Variants in TMTC2 observed in about 807,000 individuals in gnomAD.
The protein encoded by TMTC2 is transmembrane O-mannosyltransferase targeting cadherins 2, also known as protein O-mannosyl-transferase TMTC2.
In TMTC2, 43 loss-of-function variants were observed where a neutral mutation model predicts 82.4. The observed-to-expected ratio is 0.52, with a 90% CI of 0.41 to 0.67. The LOEUF is 0.67. Ranked by LOEUF, TMTC2 falls within the 30% of genes least tolerant of loss-of-function variation. The probability of loss-of-function intolerance (pLI) is 0.00; values close to 1 mark genes in which losing one functional copy is unlikely to be tolerated. For missense variants in TMTC2, 919 were observed against 1,012.4 expected (o/e 0.91, Z 1.25); for synonymous variants, 408 against 381.9 (o/e 1.07, Z -0.80).
intron 1 of TMTC2, among the ~76,000 whole-genome samples, chr12:82,807,430 T>C (rs1281729371): frequency 6.6e-6 from 1 of 152,126 alleles, no homozygotes; most frequent in Non-Finnish European, 1.5e-5. Flanking sequence ...ATATTTCATT[T>C]TCATATCCTG....
intron 9 of TMTC2, among the ~76,000 whole-genome samples, chr12:83,034,154 T>G (rs1881567152): frequency 6.6e-6 from 1 of 152,096 alleles, no homozygotes; most frequent in Admixed American, 6.6e-5. Context: ...CAGAAAGTAA[T>G]ACTGTATAGG....
chr12:82,980,034 G>A (rs1329069345), intron 7 of TMTC2, among the ~76,000 whole-genome samples: 3 of 151,652 alleles, frequency 2.0e-5, no homozygotes, highest in Admixed American at 6.6e-5. Flanking sequence ...ATTTGATTAT[G>A]ACATGTCTTG....
intron 4 of TMTC2, among the ~76,000 whole-genome samples, chr12:82,937,781 TATATATATATATATACAC>T (rs1441183250): frequency 1.9e-3 from 42 of 21,958 alleles, no homozygotes; most frequent in African/African-American, 5.4e-3. Flanking sequence ...TATATATATA[TATATATATATATATACAC>T]ACATATATAT....
At chr12:82,795,733 G>C (rs1162316828) in intron 1 of TMTC2, among the ~76,000 whole-genome samples, 1 of 152,134 alleles carries the variant, frequency 6.6e-6, no homozygotes, top group Admixed American at 6.5e-5. Flanking sequence ...CCTTTCTGGG[G>C]ATGCAGCAAC....
chr12:83,117,211 C>T (rs905375890), intron 11 of TMTC2, among the ~76,000 whole-genome samples: 3 of 151,778 alleles, frequency 2.0e-5, no homozygotes, highest in Non-Finnish European at 4.4e-5. Context: ...TTTTTGTTTG[C>T]TTTGTCTGTT....
chr12:82,715,284 AAAC>A (rs1461482032), intron 1 of TMTC2, among the ~76,000 whole-genome samples: 1 of 151,960 alleles, frequency 6.6e-6, no homozygotes, highest in African/African-American at 2.4e-5. Context: ...CAAAAAAAAA[AAAC>A]AAAAAAGAAA....
intron 11 of TMTC2, among the ~76,000 whole-genome samples, chr12:83,123,632 G>A (rs952236850): frequency 6.6e-6 from 1 of 152,082 alleles, no homozygotes; most frequent in Non-Finnish European, 1.5e-5. Context: ...GGTGCCAGAA[G>A]GGTTAACATC....
chr12:82,903,238 C>T (rs908725384), intron 3 of TMTC2, among the ~76,000 whole-genome samples: 1 of 152,192 alleles, frequency 6.6e-6, no homozygotes, highest in African/African-American at 2.4e-5. Context: ...ACCCCTCCAC[C>T]TCTGTCTTAC....
intron 1 of TMTC2, among the ~76,000 whole-genome samples, chr12:82,842,759 A>G (rs1465707684): frequency 1.3e-5 from 2 of 152,192 alleles, no homozygotes; most frequent in Non-Finnish European, 2.9e-5. Context: ...AGATGGCCAC[A>G]TTCTTGCTGT....
At chr12:83,106,812 G>A (rs1884419248) in intron 11 of TMTC2, among the ~76,000 whole-genome samples, 1 of 152,176 alleles carries the variant, frequency 6.6e-6, no homozygotes, top group African/African-American at 2.4e-5. Flanking sequence ...AAATGATGGT[G>A]AAATAAGAAC....
chr12:82,798,873 A>C lies in TMTC2; in HGVS notation c.84-58137A>C, dbSNP rs1392861837. On this transcript the variant is annotated intron_variant, in intron 1 of 11. Transcript: ENST00000321196. ...GAAGTTGTGACTAATGAACAGCCAG[A>C]GGTAAATGAAAATATACATCTGAAA... is the stretch of plus-strand genomic sequence containing the variant. 2.0e-5 allele frequency among the ~76,000 whole-genome samples: 3 copies of C among 151,962 alleles called. No homozygotes were observed. The East Asian group carries it at 5.8e-4, about 29-fold the overall frequency.
At chr12:83,095,218 GTTTTTTTTTTTGT>G (rs774725579) in intron 11 of TMTC2, among the ~76,000 whole-genome samples, 10 of 139,416 alleles carry the variant, frequency 7.2e-5, no homozygotes, top group South Asian at 4.6e-4. Context: ...AAATTTCATG[GTTTTTTTTTTTGT>G]TTTTTTTTTT....
intron 2 of TMTC2, among the ~76,000 whole-genome samples, chr12:82,869,729 C>T (rs1212532417): frequency 2.0e-5 from 3 of 151,756 alleles, no homozygotes; most frequent in Non-Finnish European, 4.4e-5. Context: ...ATTCCAGCTA[C>T]TTGAAAGGCT....
At chr12:82,853,269 A>G (rs955006294) in intron 1 of TMTC2, among the ~76,000 whole-genome samples, 3 of 151,914 alleles carry the variant, frequency 2.0e-5, no homozygotes, top group Admixed American at 2.0e-4. Flanking sequence ...TGCCTGCCTA[A>G]TTTTTGTATT....
At chr12:83,047,917 G>T (rs1753760748) in intron 9 of TMTC2, among the ~76,000 whole-genome samples, 1 of 152,184 alleles carries the variant, frequency 6.6e-6, no homozygotes, top group South Asian at 2.1e-4. Context: ...AAGCTTCGAA[G>T]GCTTTGCCCT....
intron 1 of TMTC2, among the ~76,000 whole-genome samples, chr12:82,746,982 TC>T (rs1875725403): frequency 6.6e-6 from 1 of 152,210 alleles, no homozygotes. Context: ...AGTAGATTCT[TC>T]CTTAAAGCTT....
At chr12:83,014,996 T>A (rs370393755) in intron 8 of TMTC2, among the ~76,000 whole-genome samples, 1 of 152,178 alleles carries the variant, frequency 6.6e-6, no homozygotes, top group East Asian at 1.9e-4. Context: ...GCCCAAGTAG[T>A]CCCGCTTTTC....
chr12:82,876,956 T>C (rs924363267), intron 2 of TMTC2, among the ~76,000 whole-genome samples: 4 of 152,224 alleles, frequency 2.6e-5, no homozygotes, highest in Non-Finnish European at 5.9e-5. Flanking sequence ...TGAGCCTTTT[T>C]AAATTTTTAT....
At chr12:82,879,110 G>C (rs1195857700) in intron 2 of TMTC2, among the ~76,000 whole-genome samples, 1 of 152,112 alleles carries the variant, frequency 6.6e-6, no homozygotes, top group Non-Finnish European at 1.5e-5. Flanking sequence ...TCCTAGCATT[G>C]ACCAATCTGT....
Sources: gnomAD v4.1 joint callset for allele counts (sites outside exome capture counted in the v4.1 genomes callset) on GRCh38, gnomAD v4.1.1 for gene constraint, MANE v1.5 for transcripts, NCBI Gene and HGNC (gene_info 2026-07-23, HGNC 2026-07-21) for gene names.